CA10: variants seen among roughly 807,000 people sequenced by gnomAD.
The protein encoded by CA10 is carbonic anhydrase-related protein 10.
Under a neutral mutation model 44.2 loss-of-function variants are expected in CA10, and 14 were observed. The observed-to-expected ratio is 0.32, with a 90% CI of 0.21 to 0.50. CA10 has a LOEUF of 0.50. Ranked by LOEUF, CA10 falls within the 20% of genes least tolerant of loss-of-function variation. CA10 has a pLI of 0.99. For missense variants in CA10, 350 were observed against 409.7 expected (o/e 0.85, Z 1.26); for synonymous variants, 159 against 141.6 (o/e 1.12, Z -0.87).
chr17:51,802,153 T>C (rs1028720784), intron 3 of CA10, among the ~76,000 whole-genome samples: 1 of 152,198 alleles, frequency 6.6e-6, no homozygotes, highest in South Asian at 2.1e-4. Context: ...TGCCTATCTA[T>C]GGATTTAGCT....
chr17:52,131,764 T>G (rs149715726), intron 1 of CA10, among the ~76,000 whole-genome samples: 2 of 152,180 alleles, frequency 1.3e-5, no homozygotes, highest in Non-Finnish European at 2.9e-5. Context: ...TGTGTATTGG[T>G]GAACTAGAAA....
At chr17:51,934,625 C>T (rs1982790676) in intron 2 of CA10, among the ~76,000 whole-genome samples, 1 of 151,980 alleles carries the variant, frequency 6.6e-6, no homozygotes, top group African/African-American at 2.4e-5. Context: ...CATAGAAGGG[C>T]CTGGGTGTGA....
At chr17:51,922,651 G>A (rs778502403) in intron 3 of CA10, among the ~76,000 whole-genome samples, 3 of 151,862 alleles carry the variant, frequency 2.0e-5, no homozygotes, top group Admixed American at 1.3e-4. Flanking sequence ...TTCCTTTTTC[G>A]GTACTATCGT....
chr17:51,712,051 T>C (rs916124029), intron 4 of CA10, among the ~76,000 whole-genome samples: 4 of 152,200 alleles, frequency 2.6e-5, no homozygotes, highest in African/African-American at 9.7e-5. Flanking sequence ...AAGACAAAAG[T>C]TGTCTTTGAT....
chr17:51,711,121 T>TA (rs1250430068), intron 4 of CA10, among the ~76,000 whole-genome samples: 1 of 152,006 alleles, frequency 6.6e-6, no homozygotes, highest in Non-Finnish European at 1.5e-5. Flanking sequence ...CTTAGATTTT[T>TA]AAAAAACAGA....
intron 3 of CA10, among the ~76,000 whole-genome samples, chr17:51,890,976 G>A (rs1980831077): frequency 6.6e-6 from 1 of 152,176 alleles, no homozygotes; most frequent in Admixed American, 6.5e-5. Flanking sequence ...CTCCTTTCCA[G>A]ATTTTTATAA....
At chr17:52,065,687 G>A in intron 2 of CA10, among the ~76,000 whole-genome samples, 1 of 152,166 alleles carries the variant, frequency 6.6e-6, no homozygotes, top group Admixed American at 6.5e-5. Flanking sequence ...CAAACTCCCA[G>A]TTGGTATGGC....
At chr17:52,110,849 A>C (rs1988774879) in intron 1 of CA10, among the ~76,000 whole-genome samples, 1 of 152,180 alleles carries the variant, frequency 6.6e-6, no homozygotes, top group African/African-American at 2.4e-5. Flanking sequence ...ATGGCCAAGG[A>C]CAGTTCCACG....
At chr17:51,882,095 T>C (rs907901776) in intron 3 of CA10, among the ~76,000 whole-genome samples, 8 of 149,452 alleles carry the variant, frequency 5.4e-5, no homozygotes, top group African/African-American at 2.0e-4. Flanking sequence ...AAGAAAAGAA[T>C]AGAGTTACAC....
chr17:52,048,087 G>GC (rs1986963748), intron 2 of CA10, among the ~76,000 whole-genome samples: 1 of 150,882 alleles, frequency 6.6e-6, no homozygotes, highest in Admixed American at 6.6e-5. Flanking sequence ...TTTTGCTGAA[G>GC]CATCTGAAAG....
chr17:51,980,874 A>T (rs1213705649), intron 2 of CA10, among the ~76,000 whole-genome samples: 1 of 151,998 alleles, frequency 6.6e-6, no homozygotes, highest in Non-Finnish European at 1.5e-5. Context: ...TCCATTGACC[A>T]GTTACTTCAC....
At chr17:51,747,559 C>T in intron 4 of CA10, 74 bp downstream of exon 4, 1 of 1,208,448 alleles carries the variant, frequency 8.3e-7, no homozygotes, top group Non-Finnish European at 1.2e-6. Context: ...TTATGTTATC[C>T]CATCTTGGAC....
At chr17:51,659,140 A>G (rs1431668750) in intron 4 of CA10, among the ~76,000 whole-genome samples, 1 of 152,210 alleles carries the variant, frequency 6.6e-6, no homozygotes, top group Non-Finnish European at 1.5e-5. Context: ...GGCTGAGTAA[A>G]GAAGATCTGG....
At chr17:51,693,352 A>T (rs1915285346) in intron 4 of CA10, among the ~76,000 whole-genome samples, 1 of 152,148 alleles carries the variant, frequency 6.6e-6, no homozygotes, top group African/African-American at 2.4e-5. Flanking sequence ...AAAAAAAATA[A>T]TTTTAACATT....
At chr17:52,152,034 C>A (rs1339065734) in intron 1 of CA10, among the ~76,000 whole-genome samples, 1 of 151,948 alleles carries the variant, frequency 6.6e-6, no homozygotes, top group African/African-American at 2.4e-5. Context: ...GAAACAACAA[C>A]CTTGAGAGGT....
intron 2 of CA10, among the ~76,000 whole-genome samples, chr17:52,038,849 G>T (rs1202019047): frequency 3.3e-5 from 5 of 152,002 alleles, no homozygotes; most frequent in Non-Finnish European, 5.9e-5. Context: ...AAACATGATT[G>T]CAATTAAGAC....
intron 2 of CA10, among the ~76,000 whole-genome samples, chr17:51,938,761 C>A (rs1200932668): frequency 6.6e-6 from 1 of 151,996 alleles, no homozygotes; most frequent in East Asian, 1.9e-4. Flanking sequence ...TTGCTGATCA[C>A]CCCCTGTTTA....
At chr17:52,038,958 G>A (rs1443741947) in intron 2 of CA10, among the ~76,000 whole-genome samples, 1 of 152,144 alleles carries the variant, frequency 6.6e-6, no homozygotes, top group African/African-American at 2.4e-5. Flanking sequence ...CTAGGGGTCA[G>A]AAGGCCTGTT....
At chr17:51,691,371 C>A (rs1915186326) in intron 4 of CA10, among the ~76,000 whole-genome samples, 2 of 152,166 alleles carry the variant, frequency 1.3e-5, no homozygotes, top group African/African-American at 2.4e-5. Flanking sequence ...ATCGGTATGT[C>A]ATTTTGAGAA....
Sources: allele counts gnomAD v4.1 joint callset (sites outside exome capture counted in the v4.1 genomes callset), GRCh38; gene constraint gnomAD v4.1.1; transcripts MANE v1.5; gene names NCBI Gene and HGNC (gene_info 2026-07-23, HGNC 2026-07-21).